The following SEMA6D variants were observed in gnomAD, a reference collection of about 807,000 sequenced individuals.
The protein encoded by SEMA6D is semaphorin 6D, also known as semaphorin-6D.
In SEMA6D, 35 loss-of-function variants were observed where a neutral mutation model predicts 106.6. The ratio of observed to expected loss-of-function variants is 0.33; its 90% CI spans 0.25 to 0.44. The LOEUF is 0.44. Ranked by LOEUF, SEMA6D falls within the 20% of genes least tolerant of loss-of-function variation. The pLI is 1.00. For missense variants in SEMA6D, 1,185 were observed against 1,345.9 expected (o/e 0.88, Z 1.87); for synonymous variants, 499 against 487.7 (o/e 1.02, Z -0.31).
rs10637657 is a variant in SEMA6D at position 47,343,248 on chromosome 15, T to TTTATTA, written c.-238-69125_-238-69120dup. Among the ~76,000 whole-genome samples, 207 of 146,140 alleles carry TTTATTA rather than the reference T, an allele frequency of 1.4e-3. 1 individual carries two copies. The highest frequency in any genetic ancestry group is 4.9e-3 in the South Asian group (23 of 4,680). On this transcript the variant is annotated intron_variant, in intron 1 of 19. Coordinates refer to the SEMA6D transcript ENST00000558014. ...AAAAAAACGATGGATTAGTTGGATT[T>TTTATTA]TTATTATTATTATTATTATTATTAT... is the stretch of plus-strand genomic sequence containing the variant.
intron 4 of SEMA6D, among the ~76,000 whole-genome samples, chr15:47,660,122 G>A (rs2077887544): frequency 6.6e-6 from 1 of 150,904 alleles, no homozygotes; most frequent in Admixed American, 6.6e-5. Flanking sequence ...TAAAAAGGAG[G>A]AAATAGTTGC....
At chr15:47,452,684 T>A (rs2042228905) in intron 2 of SEMA6D, among the ~76,000 whole-genome samples, 1 of 151,974 alleles carries the variant, frequency 6.6e-6, no homozygotes, top group South Asian at 2.1e-4. Context: ...TACATGATTA[T>A]GTGATTGAGT....
At chr15:47,205,745 ATATTT>A (rs202057464) in intron 1 of SEMA6D, among the ~76,000 whole-genome samples, 1,835 of 152,270 alleles carry the variant, frequency 0.012, 39 homozygotes, top group Admixed American at 0.012. Context: ...AAAATTAAAA[ATATTT>A]TATTTTAATC....
intron 4 of SEMA6D, among the ~76,000 whole-genome samples, chr15:47,695,455 A>C (rs1596660312): frequency 6.6e-6 from 1 of 152,062 alleles, no homozygotes; most frequent in Non-Finnish European, 1.5e-5. Flanking sequence ...AATCTGAATT[A>C]TGGAAGCCCT....
intron 1 of SEMA6D, among the ~76,000 whole-genome samples, chr15:47,371,213 A>C (rs1368729484): frequency 6.6e-6 from 1 of 152,196 alleles, no homozygotes; most frequent in African/African-American, 2.4e-5. Context: ...TTTTGGAGAC[A>C]TTTTGCTGTC....
chr15:47,637,843 A>G (rs1043540438), intron 4 of SEMA6D, among the ~76,000 whole-genome samples: 10 of 152,214 alleles, frequency 6.6e-5, no homozygotes, highest in Non-Finnish European at 1.2e-4. Flanking sequence ...TTGGTGCCAC[A>G]TGTTCCAACA....
intron 1 of SEMA6D, among the ~76,000 whole-genome samples, chr15:47,213,359 C>G (rs74822698): frequency 0.031 from 4,684 of 152,222 alleles, 242 homozygotes; most frequent in African/African-American, 0.11. Flanking sequence ...TAATCATAAC[C>G]TAAATTGAAA....
At chr15:47,284,434 G>C (rs914950785) in intron 1 of SEMA6D, among the ~76,000 whole-genome samples, 1 of 152,170 alleles carries the variant, frequency 6.6e-6, no homozygotes, top group Non-Finnish European at 1.5e-5. Flanking sequence ...TGATTCCCAA[G>C]GTCCTTTCTA....
intron 1 of SEMA6D, among the ~76,000 whole-genome samples, chr15:47,238,251 T>C (rs952147684): frequency 6.6e-6 from 1 of 152,126 alleles, no homozygotes; most frequent in Non-Finnish European, 1.5e-5. Flanking sequence ...AAACTCGTCA[T>C]TGGAGAATAA....
At chr15:47,595,342 T>C (rs2143090346) in intron 3 of SEMA6D, among the ~76,000 whole-genome samples, 1 of 152,336 alleles carries the variant, frequency 6.6e-6, no homozygotes, top group East Asian at 1.9e-4. Context: ...CATATGGTTT[T>C]TGTCCTTCAT....
intron 1 of SEMA6D, among the ~76,000 whole-genome samples, chr15:47,757,332 A>T (rs763396680): frequency 6.6e-6 from 1 of 152,210 alleles, no homozygotes; most frequent in Non-Finnish European, 1.5e-5. Context: ...ATCCAGCAGA[A>T]AGATTCGGTG....
At chr15:47,276,971 A>G (rs561248571) in intron 1 of SEMA6D, among the ~76,000 whole-genome samples, 6 of 152,240 alleles carry the variant, frequency 3.9e-5, no homozygotes, top group South Asian at 4.1e-4. Flanking sequence ...ATTGATTCCA[A>G]CTCTCATGGA....
intron 1 of SEMA6D, chr15:47,185,624 A>G (rs993015550): frequency 6.6e-6 from 1 of 152,144 alleles, no homozygotes; most frequent in African/African-American, 2.4e-5. Context: ...CAAATGGCCA[A>G]GCACTGGTGT....
At chr15:47,564,468 A>AT (rs1223844088) in intron 3 of SEMA6D, among the ~76,000 whole-genome samples, 1 of 152,060 alleles carries the variant, frequency 6.6e-6, no homozygotes. Context: ...TCAAAACAGA[A>AT]TTTTTTTTAT....
chr15:47,360,412 T>A (rs1400313557), intron 1 of SEMA6D, among the ~76,000 whole-genome samples: 1 of 152,248 alleles, frequency 6.6e-6, no homozygotes, highest in Non-Finnish European at 1.5e-5. Flanking sequence ...CTTTTTACAC[T>A]TAAATTAATA....
chr15:47,544,989 A>G (rs1331196701), intron 3 of SEMA6D, among the ~76,000 whole-genome samples: 1 of 152,136 alleles, frequency 6.6e-6, no homozygotes, highest in Non-Finnish European at 1.5e-5. Context: ...GTTGTCATTA[A>G]AATTACAGAC....
intron 3 of SEMA6D, among the ~76,000 whole-genome samples, chr15:47,477,159 C>CTTGTTT (rs773674545): frequency 1.5e-4 from 23 of 150,988 alleles, no homozygotes; most frequent in Admixed American, 5.3e-4. Context: ...TTGCGTAGCA[C>CTTGTTT]TTGTTTTTGT....
chr15:47,237,499 A>G (rs922312841), intron 1 of SEMA6D, among the ~76,000 whole-genome samples: 2 of 152,038 alleles, frequency 1.3e-5, no homozygotes, highest in African/African-American at 4.8e-5. Flanking sequence ...ACAATGAGCA[A>G]TGCACTATGA....
intron 4 of SEMA6D, among the ~76,000 whole-genome samples, chr15:47,669,654 A>G (rs1421312803): frequency 6.6e-5 from 10 of 152,176 alleles, no homozygotes; most frequent in Admixed American, 1.3e-4. Flanking sequence ...CTCCTTATGC[A>G]TAGATATAAA....
Sources: allele counts gnomAD v4.1 joint callset (sites outside exome capture counted in the v4.1 genomes callset), GRCh38; gene constraint gnomAD v4.1.1; transcripts MANE v1.5; gene names NCBI Gene and HGNC (gene_info 2026-07-23, HGNC 2026-07-21).